SBF2: variants seen among roughly 807,000 people sequenced by gnomAD.
The protein encoded by SBF2 is myotubularin-related protein 13.
In SBF2, 112 loss-of-function variants were observed where a neutral mutation model predicts 225.2. That is an observed-to-expected ratio of 0.50 (90% CI 0.43 to 0.58). The LOEUF (loss-of-function observed/expected upper bound fraction) is 0.58. Among genes scored for constraint, SBF2 ranks in the 20% least tolerant of loss-of-function variants. SBF2 has a pLI of 0.00. For missense variants in SBF2, 1,996 were observed against 2,206.2 expected, an observed-to-expected ratio of 0.90 and a Z score of 1.91; for synonymous variants, 763 against 773.3, an observed-to-expected ratio of 0.99 and a Z score of 0.22.
intron 1 of SBF2, among the ~76,000 whole-genome samples, chr11:10,258,666 G>A (rs143401984): frequency 6.6e-6 from 1 of 152,186 alleles, no homozygotes; most frequent in African/African-American, 2.4e-5. Context: ...TCATGGCCAC[G>A]CTGAGGGCCA....
At chr11:9,863,707 G>A (rs1435750230) in intron 17 of SBF2, among the ~76,000 whole-genome samples, 1 of 150,774 alleles carries the variant, frequency 6.6e-6, no homozygotes, top group Non-Finnish European at 1.5e-5. Context: ...TCCAAAACCT[G>A]GCTTTATCAA....
chr11:9,934,409 C>T (rs1452880563), intron 16 of SBF2, among the ~76,000 whole-genome samples: 1 of 152,212 alleles, frequency 6.6e-6, no homozygotes, highest in African/African-American at 2.4e-5. Context: ...CCTTCTGAAA[C>T]TCTTCCAATC....
chr11:9,971,614 G>A (rs578060307), intron 13 of SBF2, among the ~76,000 whole-genome samples: 117 of 152,308 alleles, frequency 7.7e-4, no homozygotes, highest in African/African-American at 2.6e-3. Flanking sequence ...GGGAGATGGA[G>A]GCTGTGGTGA....
intron 21 of SBF2, 42 bp from the exon 22 acceptor site, chr11:9,850,260 T>A: frequency 6.3e-7 from 1 of 1,583,736 alleles, no homozygotes; most frequent in Non-Finnish European, 8.6e-7. Flanking sequence ...GATTGACTAA[T>A]TGATTGATTT....
intron 1 of SBF2, among the ~76,000 whole-genome samples, chr11:10,206,374 T>C (rs1957752368): frequency 6.6e-6 from 1 of 151,900 alleles, no homozygotes; most frequent in Admixed American, 6.6e-5. Flanking sequence ...AACAACAGCC[T>C]ACAAAATTAG....
rs1040178185 is a variant in SBF2, at chr11:10,172,380, T to A, written c.141+21522A>T. Among the ~76,000 whole-genome samples the A allele has an allele frequency of 4.0e-5, 6 of 151,880 alleles. No individual in the cohort carries two copies. The South Asian group carries it at 8.3e-4, about 21-fold the overall frequency. ...AAAAATTTTTTTTTTTGAGAAGGAG[T>A]CTTGCTCTGTCTCCCAGGATGAAGC... On this transcript the variant is annotated intron_variant, in intron 2 of 39. Transcript: ENST00000256190.
chr11:10,015,815 T>C (rs1310749873), intron 6 of SBF2, among the ~76,000 whole-genome samples: 1 of 152,178 alleles, frequency 6.6e-6, no homozygotes, highest in Non-Finnish European at 1.5e-5. Flanking sequence ...TCTTTGCTTT[T>C]TTTTTTGAGA....
intron 17 of SBF2, among the ~76,000 whole-genome samples, chr11:9,882,772 C>T (rs1298855764): frequency 7.4e-6 from 1 of 134,598 alleles, no homozygotes; most frequent in African/African-American, 2.6e-5. Context: ...TGCGGTACTG[C>T]ACTCCAGCCT....
chr11:10,243,374 A>G (rs1209072449), intron 1 of SBF2, among the ~76,000 whole-genome samples: 3 of 151,980 alleles, frequency 2.0e-5, no homozygotes, highest in South Asian at 4.1e-4. Context: ...TAAAAAAAGA[A>G]GATCTCAAAT....
intron 13 of SBF2, among the ~76,000 whole-genome samples, chr11:9,968,869 T>C (rs1306432071): frequency 1.3e-5 from 2 of 152,196 alleles, no homozygotes; most frequent in African/African-American, 2.4e-5. Context: ...TTGGGTCTTT[T>C]TTCTATTAAC....
intron 2 of SBF2, among the ~76,000 whole-genome samples, chr11:10,138,379 G>C (rs1488189659): frequency 6.6e-6 from 1 of 152,000 alleles, no homozygotes; most frequent in Non-Finnish European, 1.5e-5. Context: ...ATTTGTTCTA[G>C]GGGTGTAACA....
intron 2 of SBF2, among the ~76,000 whole-genome samples, chr11:10,053,740 T>A (rs1298432537): frequency 6.7e-6 from 1 of 149,890 alleles, no homozygotes; most frequent in Non-Finnish European, 1.5e-5. Flanking sequence ...TGGTGAAGAG[T>A]GAGACCTTGT....
At position 10,230,205 on chromosome 11, in the gene SBF2, G is replaced by T. The variant is rs570982654; in HGVS notation, c.56-36218C>A. On this transcript the variant is annotated intron_variant, in intron 1 of 39. Transcript: ENST00000256190. ...CCTTTATTTTGAGCCTATGTGTGTCGCTGCATGTGAGATGGGTTTCCTGAA... is the reference window on the plus strand; with the variant it reads ...CCTTTATTTTGAGCCTATGTGTGTCTCTGCATGTGAGATGGGTTTCCTGAA... Among the ~76,000 whole-genome samples, 5 of 152,130 alleles carry T rather than the reference G, an allele frequency of 3.3e-5. No individual in the cohort carries two copies. The East Asian group carries it at 5.8e-4, about 18-fold the overall frequency.
chr11:9,902,275 C>T (rs779386936), intron 16 of SBF2, among the ~76,000 whole-genome samples: 6 of 152,312 alleles, frequency 3.9e-5, no homozygotes, highest in Non-Finnish European at 8.8e-5. Context: ...TTGACCTCCA[C>T]AACTCCCTTA....
intron 13 of SBF2, among the ~76,000 whole-genome samples, chr11:9,972,712 A>G (rs375720318): frequency 2.0e-5 from 3 of 151,930 alleles, no homozygotes; most frequent in African/African-American, 7.3e-5. Flanking sequence ...CAAACTTCTG[A>G]CCTCGTGATC....
chr11:10,231,581 CCT>C (rs1259186654), intron 1 of SBF2, among the ~76,000 whole-genome samples: 1 of 152,156 alleles, frequency 6.6e-6, no homozygotes. Flanking sequence ...CACTCCAGAC[CCT>C]GTTTGCCTCG....
chr11:9,847,564 T>C (rs1013743374), intron 22 of SBF2, among the ~76,000 whole-genome samples: 18 of 150,644 alleles, frequency 1.2e-4, no homozygotes, highest in South Asian at 6.3e-4. Context: ...ACATCCAAGA[T>C]ATTTAATATA....
chr11:10,015,400 T>C (rs1273719241), intron 6 of SBF2, among the ~76,000 whole-genome samples: 1 of 152,236 alleles, frequency 6.6e-6, no homozygotes, highest in East Asian at 1.9e-4. Context: ...AAATTTATTA[T>C]TTTACTGTTG....
upstream of SBF2, among the ~76,000 whole-genome samples, chr11:10,294,960 C>G (rs981653642): frequency 6.6e-6 from 1 of 152,264 alleles, no homozygotes; most frequent in African/African-American, 2.4e-5. Flanking sequence ...CAAACATGCA[C>G]AAAAATGAAT....
Sources: gnomAD v4.1 joint callset for allele counts (sites outside exome capture counted in the v4.1 genomes callset) on GRCh38, gnomAD v4.1.1 for gene constraint, MANE v1.5 for transcripts, NCBI Gene and HGNC (gene_info 2026-07-23, HGNC 2026-07-21) for gene names.